The following CBL variants were observed in gnomAD, a reference collection of about 807,000 sequenced individuals.
CBL encodes the protein Cbl proto-oncogene, also known as E3 ubiquitin-protein ligase CBL.
CBL carries 45 observed loss-of-function variants against 96.9 expected under a neutral mutation model. That is an observed-to-expected ratio of 0.46 (90% CI 0.37 to 0.60). The LOEUF (loss-of-function observed/expected upper bound fraction) is 0.60, where lower values mean the gene tolerates loss of function less well. Ranked by LOEUF, CBL falls within the 20% of genes least tolerant of loss-of-function variation. CBL has a pLI of 0.00. For synonymous variants in CBL, 420 were observed against 426.8 expected, an observed-to-expected ratio of 0.98 and a Z score of 0.20; for missense variants, 1,024 against 1,143.5, an observed-to-expected ratio of 0.90 and a Z score of 1.51.
intron 2 of CBL, among the ~76,000 whole-genome samples, chr11:119,270,448 T>TAC (rs1565870048): frequency 2.2e-5 from 2 of 92,874 alleles, no homozygotes; most frequent in African/African-American, 8.9e-5. Context: ...TTTTTTTTTT[T>TAC]TTTTTTTTTT....
chr11:119,253,517 C>G (rs1314061012), intron 2 of CBL, among the ~76,000 whole-genome samples: 1 of 8,286 alleles, frequency 1.2e-4, no homozygotes, highest in Non-Finnish European at 2.8e-4. Context: ...AAAAGTCACC[C>G]AGGCTGGACG....
At chr11:119,264,324 C>G (rs886204577) in intron 2 of CBL, among the ~76,000 whole-genome samples, 2 of 151,784 alleles carry the variant, frequency 1.3e-5, no homozygotes, top group African/African-American at 4.8e-5. Flanking sequence ...TCCCAAAGAG[C>G]TGGGATTACA....
chr11:119,263,023 G>A (rs1030599515), intron 2 of CBL, among the ~76,000 whole-genome samples: 2 of 152,122 alleles, frequency 1.3e-5, no homozygotes, highest in Non-Finnish European at 2.9e-5. Flanking sequence ...TGTAAGATAC[G>A]GTTAGTAATT....
At chr11:119,225,724 CTTTTTTTTTTT>C (rs57084908) in intron 1 of CBL, among the ~76,000 whole-genome samples, 1 of 102,456 alleles carries the variant, frequency 9.8e-6, no homozygotes, top group African/African-American at 4.0e-5. Flanking sequence ...TAAATATTTT[CTTTTTTTTTTT>C]TTTTTTTTTG....
At chr11:119,293,003 T>G (rs1270613840) in intron 12 of CBL, among the ~76,000 whole-genome samples, 1 of 152,244 alleles carries the variant, frequency 6.6e-6, no homozygotes, top group Non-Finnish European at 1.5e-5. Flanking sequence ...TTATTACTTT[T>G]GCACCATTGT....
At chr11:119,234,928 G>A (rs1949531390) in intron 2 of CBL, among the ~76,000 whole-genome samples, 1 of 152,188 alleles carries the variant, frequency 6.6e-6, no homozygotes, top group African/African-American at 2.4e-5. Flanking sequence ...ACAGTGGCAT[G>A]AAAATGGAGG....
chr11:119,299,787 C>A lies in CBL; in HGVS notation c.*6C>A, dbSNP rs1422209891. On this transcript the variant is annotated 3_prime_UTR_variant, in exon 16 of 16. Coordinates refer to ENST00000264033, the MANE Select transcript of CBL (RefSeq NM_005188.4). ...CTGCCCATGTAGCTACCTAGCACACCATCTCCCTGCTGCAGGTTTAGAGGA... is the reference window on the plus strand; with the variant it reads ...CTGCCCATGTAGCTACCTAGCACACAATCTCCCTGCTGCAGGTTTAGAGGA... The A allele has an allele frequency of 6.2e-7, 1 of 1,613,702 alleles. No individual in the cohort carries two copies. Among genetic ancestry groups the A allele is most frequent in the Non-Finnish European group, 8.5e-7 (1 of 1,179,870 alleles).
At chr11:119,258,143 G>C (rs1039030716) in intron 2 of CBL, among the ~76,000 whole-genome samples, 1 of 152,116 alleles carries the variant, frequency 6.6e-6, no homozygotes, top group African/African-American at 2.4e-5. Flanking sequence ...CAGGAGAATC[G>C]CTTGAACCTG....
Position 119,306,395 on chromosome 11 carries a change from C to T in CBL, c.*6614C>T, listed in dbSNP as rs1317330735. 1.8e-5 allele frequency: 7 copies of T among 398,866 alleles called. No homozygotes were observed. Among genetic ancestry groups the T allele is most frequent in the Non-Finnish European group, 2.7e-5 (6 of 226,164 alleles). The allele number at this position is 398,866 out of a possible 1,614,324, so 24.7% of individuals were successfully genotyped here. A position where few individuals can be genotyped will look rare whatever the true frequency, so the allele number is the denominator to read the frequency against. ...CAAAAATGAATGTCAGGCCCCGCCC[C>T]CTCCCCACCAACATTGCCTCTCCTA... On this transcript the variant is annotated 3_prime_UTR_variant, in exon 16 of 16. Coordinates refer to ENST00000264033, the MANE Select transcript of CBL (RefSeq NM_005188.4).
chr11:119,261,959 A>G (rs892103063), intron 2 of CBL, among the ~76,000 whole-genome samples: 1 of 152,188 alleles, frequency 6.6e-6, no homozygotes, highest in African/African-American at 2.4e-5. Flanking sequence ...TGACTCTTGT[A>G]TAAGTGATTT....
At position 119,278,542 on chromosome 11, in the gene CBL, A is replaced by G. The variant is rs1197544456; in HGVS notation, c.1260A>G (p.Arg420=). 2.5e-6 allele frequency: 4 copies of G among 1,614,018 alleles called. No homozygotes were observed. Among genetic ancestry groups the G allele is most frequent in the Non-Finnish European group, 3.4e-6 (4 of 1,180,024 alleles). The change falls in exon 9 of 16, where the codon CGA becomes CGG. Residue 420 remains arginine (R), a synonymous_variant. Coordinates refer to ENST00000264033, the MANE Select transcript of CBL (RefSeq NM_005188.4). ...AAGGTCAGGGCTGTCCTTTCTGCCG[A>G]TGTGAAATTAAAGGTACTGAACCCA... ...ESEGQGCPFC[R]CEIKGTEPIV...
In CBL at chr11:119,290,885, C is replaced by T. The variant is rs1950022271; in HGVS notation, c.2036+2939C>T. Among the ~76,000 whole-genome samples the T allele has an allele frequency of 3.3e-5, 5 of 151,898 alleles. No homozygotes were observed. In the South Asian group the frequency reaches 1.0e-3, roughly 32 times the overall value. On this transcript the variant is annotated intron_variant, in intron 12 of 15. Transcript: ENST00000264033. Reference sequence around the variant, plus strand: ...TAGTAACAGGGTTTCACCATGTTGGCCAGGCTGGTCTCGAACTCCTGACTT... The same window carrying T: ...TAGTAACAGGGTTTCACCATGTTGGTCAGGCTGGTCTCGAACTCCTGACTT...
At chr11:119,212,751 C>T (rs1949328661) in intron 1 of CBL, among the ~76,000 whole-genome samples, 1 of 147,198 alleles carries the variant, frequency 6.8e-6, no homozygotes, top group Admixed American at 6.7e-5. Flanking sequence ...TGGCTCACGC[C>T]TGTAATCCCA....
At chr11:119,264,458 T>G (rs1246131818) in intron 2 of CBL, among the ~76,000 whole-genome samples, 2 of 133,700 alleles carry the variant, frequency 1.5e-5, no homozygotes, top group Non-Finnish European at 3.3e-5. Context: ...TTCTCTTCTC[T>G]TCTCTTTTCT....
At position 119,299,845 on chromosome 11, in the gene CBL, C is replaced by A; in HGVS notation, c.*64C>A. The A allele has an allele frequency of 6.6e-7, 1 of 1,525,048 alleles. No individual in the cohort carries two copies. Among genetic ancestry groups the A allele is most frequent in the Non-Finnish European group, 9.0e-7 (1 of 1,105,806 alleles). The allele number at this position is 1,525,048 out of a possible 1,614,324, so 94.5% of individuals were successfully genotyped here. On this transcript the variant is annotated 3_prime_UTR_variant, in exon 16 of 16. Transcript: ENST00000264033. The stretch of plus-strand genomic sequence containing the variant: ...GTTGGGAGTTATTACTCAAGTGGCA[C>A]CTAGAAGGGCAGGAGTTCCTTTGGT...
At chr11:119,274,774 C>T (rs557836539) in intron 4 of CBL, 58 bp from the exon 5 acceptor site, 9 of 1,559,090 alleles carry the variant, frequency 5.8e-6, no homozygotes, top group Non-Finnish European at 7.9e-6. Flanking sequence ...TTCTCATTGC[C>T]CTCTGAGTTG....
chr11:119,280,293 A>C (rs1352147924), intron 9 of CBL, among the ~76,000 whole-genome samples: 1 of 152,230 alleles, frequency 6.6e-6, no homozygotes, highest in African/African-American at 2.4e-5. Flanking sequence ...GCTTATGGGA[A>C]TATCACAGTG....
At position 119,304,850 on chromosome 11, in the gene CBL, T is replaced by A. The variant is rs1166639630; in HGVS notation, c.*5069T>A. The A allele has an allele frequency of 1.6e-5, 3 of 188,434 alleles. No homozygotes were observed. Among genetic ancestry groups the A allele is most frequent in the Non-Finnish European group, 3.4e-5 (3 of 89,516 alleles). The allele number at this position is 188,434 out of a possible 1,614,324, so 11.7% of individuals were successfully genotyped here. ...CGTCTTGGCTAGGCTGGTCTTGAAC[T>A]CCTGACCCTCATGATCCACCCACCT... On this transcript the variant is annotated 3_prime_UTR_variant, in exon 16 of 16. Transcript: ENST00000264033.
At chr11:119,272,596 A>C (rs1949857533) in intron 3 of CBL, among the ~76,000 whole-genome samples, 1 of 152,176 alleles carries the variant, frequency 6.6e-6, no homozygotes, top group Non-Finnish European at 1.5e-5. Flanking sequence ...TTTCTTTCCA[A>C]AATGGTGTAC....
Sources: gnomAD v4.1 joint callset for allele counts (sites outside exome capture counted in the v4.1 genomes callset) on GRCh38, gnomAD v4.1.1 for gene constraint, MANE v1.5 for transcripts, NCBI Gene and HGNC (gene_info 2026-07-23, HGNC 2026-07-21) for gene names.